ADCY8: variants seen among roughly 807,000 people sequenced by gnomAD.
The protein encoded by ADCY8 is adenylate cyclase type 8.
Under a neutral mutation model 119.7 loss-of-function variants are expected in ADCY8, and 51 were observed. That is an observed-to-expected ratio of 0.43 (90% CI 0.34 to 0.54). The LOEUF is 0.54. Ranked by LOEUF, ADCY8 falls within the 20% of genes least tolerant of loss-of-function variation. The pLI is 0.03. For synonymous variants in ADCY8, 665 were observed against 651.0 expected, an observed-to-expected ratio of 1.02 and a Z score of -0.33; for missense variants, 1,383 against 1,598.8, an observed-to-expected ratio of 0.87 and a Z score of 2.30.
At chr8:130,837,394 T>C (rs146461380) in intron 11 of ADCY8, among the ~76,000 whole-genome samples, 4 of 152,332 alleles carry the variant, frequency 2.6e-5, no homozygotes, top group Admixed American at 1.3e-4. Context: ...CTTACTCTTC[T>C]GGCAAATGTC....
At chr8:130,936,768 C>G (rs1331558476) in intron 5 of ADCY8, among the ~76,000 whole-genome samples, 1 of 152,186 alleles carries the variant, frequency 6.6e-6, no homozygotes. Context: ...TCATCTCTCT[C>G]TCTGCACTGT....
intron 7 of ADCY8, among the ~76,000 whole-genome samples, chr8:130,893,427 G>A (rs1379434325): frequency 6.6e-6 from 1 of 152,152 alleles, no homozygotes. Flanking sequence ...CAGGGTAGGT[G>A]TGAATTGAAA....
In ADCY8 at chr8:130,911,522, A is replaced by T. The variant is rs1046026847; in HGVS notation, c.1482-1656T>A. On this transcript the variant is annotated intron_variant, in intron 5 of 17. Coordinates refer to ENST00000286355, the MANE Select transcript of ADCY8 (RefSeq NM_001115.3). ...TCACAAACTATTAAAAATTTTTTTTAAAAAGAATTATGTTTAAACCCATTG... is the reference window on the plus strand; with the variant it reads ...TCACAAACTATTAAAAATTTTTTTTTAAAAGAATTATGTTTAAACCCATTG... Among the ~76,000 whole-genome samples, 9 of 152,076 alleles carry T rather than the reference A, an allele frequency of 5.9e-5. No individual in the cohort carries two copies. In the East Asian group the frequency reaches 7.7e-4, roughly 13 times the overall value.
At chr8:131,005,137 T>C (rs1823073630) in intron 1 of ADCY8, among the ~76,000 whole-genome samples, 1 of 152,318 alleles carries the variant, frequency 6.6e-6, no homozygotes, top group Middle Eastern at 3.4e-3. Context: ...CACCTAAAGT[T>C]ACTGAGAGCA....
chr8:130,962,423 G>A (rs1821632129), intron 2 of ADCY8, among the ~76,000 whole-genome samples: 1 of 152,160 alleles, frequency 6.6e-6, no homozygotes. Flanking sequence ...GGTGGCCTTT[G>A]TGCTCACATT....
At chr8:130,958,739 G>T (rs919581454) in intron 2 of ADCY8, among the ~76,000 whole-genome samples, 1 of 152,158 alleles carries the variant, frequency 6.6e-6, no homozygotes, top group Non-Finnish European at 1.5e-5. Flanking sequence ...CCCTTGACAT[G>T]TGAGGATTAT....
At chr8:130,820,778 A>G (rs1003001974) in intron 13 of ADCY8, among the ~76,000 whole-genome samples, 1 of 152,168 alleles carries the variant, frequency 6.6e-6, no homozygotes, top group Non-Finnish European at 1.5e-5. Context: ...TCTAATTAGG[A>G]CAGATCTGTA....
intron 13 of ADCY8, among the ~76,000 whole-genome samples, chr8:130,815,587 G>A (rs568547108): frequency 6.6e-6 from 1 of 152,320 alleles, no homozygotes; most frequent in African/African-American, 2.4e-5. Flanking sequence ...GATCACACAT[G>A]AGTTAGTGGA....
At chr8:130,989,899 G>A (rs1177306746) in intron 2 of ADCY8, among the ~76,000 whole-genome samples, 1 of 152,036 alleles carries the variant, frequency 6.6e-6, no homozygotes, top group Non-Finnish European at 1.5e-5. Flanking sequence ...CCCTTATTTT[G>A]ATGTTGGCAT....
chr8:130,871,211 C>G (rs1442748205), intron 8 of ADCY8, among the ~76,000 whole-genome samples: 2 of 151,780 alleles, frequency 1.3e-5, no homozygotes, highest in Non-Finnish European at 2.9e-5. Context: ...TCTGAACACT[C>G]TGGCTCATAG....
At chr8:130,805,304 T>C (rs1396672230) in intron 14 of ADCY8, among the ~76,000 whole-genome samples, 5 of 152,172 alleles carry the variant, frequency 3.3e-5, no homozygotes, top group African/African-American at 1.2e-4. Flanking sequence ...CCGAGCCCCA[T>C]AGTTGTTATG....
intron 1 of ADCY8, among the ~76,000 whole-genome samples, chr8:131,035,931 C>T (rs777674925): frequency 1.3e-5 from 2 of 152,154 alleles, no homozygotes; most frequent in East Asian, 1.9e-4. Flanking sequence ...TACAATGAGC[C>T]TATGCCCAGC....
chr8:131,039,705 G>A lies in ADCY8; in HGVS notation c.629C>T (p.Pro210Leu), dbSNP rs776939154. 6.2e-6 allele frequency: 10 copies of A among 1,614,122 alleles called. No homozygotes were observed. Among genetic ancestry groups the A allele is most frequent in the Non-Finnish European group, 2.5e-6 (3 of 1,180,022 alleles). ...GAAGCCCAGCAGGATGCCCTTGAGC[G>A]GGTCCATGGGGGCCGAGGCCAGGCT... ...HLSLASAPMD[P>L]LKGILLGFFT... Residue 210 changes from proline (P) to leucine (L), a missense_variant, in exon 1 of 18, where the codon CCG (proline) becomes CTG (leucine). This residue lies in a region of ADCY8 where 455 missense variants were observed against 435.3 expected (regional missense o/e 1.05). Transcript: ENST00000286355.
At chr8:130,869,449 C>A (rs1818245179) in intron 8 of ADCY8, among the ~76,000 whole-genome samples, 1 of 150,562 alleles carries the variant, frequency 6.6e-6, no homozygotes, top group Admixed American at 6.6e-5. Context: ...CTTCTAACAA[C>A]CAATTACAGA....
At chr8:130,874,799 C>T (rs1005666026) in intron 8 of ADCY8, among the ~76,000 whole-genome samples, 1 of 152,104 alleles carries the variant, frequency 6.6e-6, no homozygotes, top group Non-Finnish European at 1.5e-5. Flanking sequence ...CCAGCTCACC[C>T]TCCCCAACAT....
intron 2 of ADCY8, among the ~76,000 whole-genome samples, chr8:130,960,739 G>A (rs927039204): frequency 1.3e-5 from 2 of 152,008 alleles, no homozygotes; most frequent in African/African-American, 4.8e-5. Context: ...GCAGGGGAAA[G>A]GGGAGATTCT....
intron 3 of ADCY8, among the ~76,000 whole-genome samples, chr8:130,951,440 A>T (rs1178860805): frequency 6.6e-6 from 1 of 152,190 alleles, no homozygotes; most frequent in Non-Finnish European, 1.5e-5. Context: ...TTGGCCAAAA[A>T]TAAGTTTGCA....
At chr8:130,916,705 T>A (rs1353421822) in intron 5 of ADCY8, among the ~76,000 whole-genome samples, 1 of 152,266 alleles carries the variant, frequency 6.6e-6, no homozygotes, top group African/African-American at 2.4e-5. Flanking sequence ...AACAAAAGCA[T>A]GAGCGATCTG....
At chr8:130,885,060 C>T (rs1277036070) in intron 7 of ADCY8, among the ~76,000 whole-genome samples, 1 of 152,056 alleles carries the variant, frequency 6.6e-6, no homozygotes, top group Non-Finnish European at 1.5e-5. Flanking sequence ...TTTCTCTAAC[C>T]AGGCACAACC....
Sources: allele counts gnomAD v4.1 joint callset (sites outside exome capture counted in the v4.1 genomes callset), GRCh38; gene constraint gnomAD v4.1.1; regional missense constraint gnomAD v4.1.1; transcripts MANE v1.5; gene names NCBI Gene and HGNC (gene_info 2026-07-23, HGNC 2026-07-21).